The following EXT1 variants were observed in gnomAD, a reference collection of about 807,000 sequenced individuals.
The protein encoded by EXT1 is exostosin glycosyltransferase 1.
EXT1 carries 20 observed loss-of-function variants against 82.5 expected under a neutral mutation model. The observed-to-expected ratio is 0.24, with a 90% CI of 0.17 to 0.35. The LOEUF is 0.35. Among genes scored for constraint, EXT1 ranks in the 10% least tolerant of loss-of-function variants. EXT1 has a pLI of 1.00. For missense variants in EXT1, 757 were observed against 936.5 expected (o/e 0.81, Z 2.50); for synonymous variants, 348 against 350.8 (o/e 0.99, Z 0.09).
At chr8:118,074,528 A>G (rs1326679623) in intron 1 of EXT1, among the ~76,000 whole-genome samples, 2 of 151,774 alleles carry the variant, frequency 1.3e-5, no homozygotes, top group African/African-American at 2.4e-5. Flanking sequence ...CACCGCGGCC[A>G]CCACCTTAGT....
intron 1 of EXT1, among the ~76,000 whole-genome samples, chr8:117,902,067 C>T (rs1462721284): frequency 6.6e-6 from 1 of 150,412 alleles, no homozygotes; most frequent in Non-Finnish European, 1.5e-5. Flanking sequence ...AACACAAACA[C>T]ACACATTAGC....
At position 118,066,895 on chromosome 8, in the gene EXT1, AT is replaced by A. The variant is rs139474787; in HGVS notation, c.962+43189del. On this transcript the variant is annotated intron_variant, in intron 1 of 10. Coordinates refer to ENST00000378204, the MANE Select transcript of EXT1 (RefSeq NM_000127.3). The stretch of plus-strand genomic sequence containing the variant: ...GTAGATAAAGCTAAGCTTTCTGGAA[AT>A]AAAAGTTTTTTAAAAAATTAAAAGC... 8.9e-3 allele frequency among the ~76,000 whole-genome samples: 1,349 copies of A among 152,324 alleles called. 12 individuals are homozygous for A. The highest frequency in any genetic ancestry group is 0.013 in the Non-Finnish European group (917 of 68,030).
intron 1 of EXT1, among the ~76,000 whole-genome samples, chr8:118,042,625 T>G (rs948050887): frequency 6.6e-6 from 1 of 152,184 alleles, no homozygotes; most frequent in South Asian, 2.1e-4. Context: ...ATTCCAGTAC[T>G]CCTTTGCCCT....
intron 1 of EXT1, among the ~76,000 whole-genome samples, chr8:118,001,462 G>C (rs531580938): frequency 5.3e-5 from 8 of 151,996 alleles, no homozygotes; most frequent in Non-Finnish European, 8.8e-5. Context: ...TGGGATTACA[G>C]GCATGAGTCA....
chr8:117,981,747 A>C (rs974350463), intron 1 of EXT1, among the ~76,000 whole-genome samples: 1 of 151,888 alleles, frequency 6.6e-6, no homozygotes, highest in African/African-American at 2.4e-5. Context: ...GCAGGCAGGC[A>C]GGCACCTATA....
intron 1 of EXT1, among the ~76,000 whole-genome samples, chr8:117,971,966 C>T (rs955220271): frequency 6.6e-6 from 1 of 152,112 alleles, no homozygotes; most frequent in African/African-American, 2.4e-5. Flanking sequence ...GCCTGACCAA[C>T]ATGGAGAAAC....
chr8:118,051,430 C>T (rs1323610587), intron 1 of EXT1, among the ~76,000 whole-genome samples: 1 of 152,186 alleles, frequency 6.6e-6, no homozygotes, highest in African/African-American at 2.4e-5. Flanking sequence ...CGCTATAAAA[C>T]ATCCTATAAA....
At chr8:117,911,533 G>C (rs1813647517) in intron 1 of EXT1, among the ~76,000 whole-genome samples, 1 of 152,212 alleles carries the variant, frequency 6.6e-6, no homozygotes, top group South Asian at 2.1e-4. Context: ...TCAGAGAGCT[G>C]CCCTGCTCAC....
chr8:118,083,361 G>A (rs1353974506), intron 1 of EXT1, among the ~76,000 whole-genome samples: 1 of 152,152 alleles, frequency 6.6e-6, no homozygotes, highest in Non-Finnish European at 1.5e-5. Flanking sequence ...TCTCCATCGA[G>A]TCCCCATTGC....
chr8:117,886,029 G>A (rs994460873), intron 1 of EXT1, among the ~76,000 whole-genome samples: 3 of 152,142 alleles, frequency 2.0e-5, no homozygotes, highest in African/African-American at 7.2e-5. Context: ...CAAGCCAATT[G>A]TGTGACCTCT....
At chr8:117,827,433 T>C (rs1563572885) in intron 4 of EXT1, among the ~76,000 whole-genome samples, 1 of 152,152 alleles carries the variant, frequency 6.6e-6, no homozygotes, top group Non-Finnish European at 1.5e-5. Flanking sequence ...TCTGGATGTA[T>C]TAGAGGTAAA....
At chr8:117,863,911 T>C (rs1378393571) in intron 1 of EXT1, among the ~76,000 whole-genome samples, 2 of 152,194 alleles carry the variant, frequency 1.3e-5, no homozygotes, top group Non-Finnish European at 2.9e-5. Flanking sequence ...CAGCTTTTAC[T>C]ACCTGGACCC....
At chr8:117,890,068 A>G (rs1196972401) in intron 1 of EXT1, among the ~76,000 whole-genome samples, 4 of 152,244 alleles carry the variant, frequency 2.6e-5, no homozygotes, top group African/African-American at 9.6e-5. Context: ...TATCTTTTAC[A>G]TCAACATGCA....
At chr8:118,106,698 T>G (rs1361115442) in intron 1 of EXT1, among the ~76,000 whole-genome samples, 1 of 152,214 alleles carries the variant, frequency 6.6e-6, no homozygotes, top group Admixed American at 6.5e-5. Flanking sequence ...TAATGCCCTT[T>G]GTAGGGATGT....
intron 1 of EXT1, among the ~76,000 whole-genome samples, chr8:118,005,512 T>C (rs1815755348): frequency 6.6e-6 from 1 of 152,208 alleles, no homozygotes; most frequent in Admixed American, 6.5e-5. Context: ...TAGCTGACTT[T>C]CACAGCAACT....
At chr8:117,940,470 G>A (rs1051791956) in intron 1 of EXT1, among the ~76,000 whole-genome samples, 3 of 152,200 alleles carry the variant, frequency 2.0e-5, no homozygotes, top group African/African-American at 7.2e-5. Flanking sequence ...CATCAAGGAA[G>A]GATGTTACAG....
At chr8:117,887,322 A>G (rs1813163429) in intron 1 of EXT1, among the ~76,000 whole-genome samples, 1 of 152,220 alleles carries the variant, frequency 6.6e-6, no homozygotes, top group South Asian at 2.1e-4. Context: ...GTTTGCATCA[A>G]GCAAAACATG....
At chr8:117,872,024 TGGGAGGCTGA>T (rs1164576742) in intron 1 of EXT1, among the ~76,000 whole-genome samples, 2 of 151,826 alleles carry the variant, frequency 1.3e-5, no homozygotes, top group African/African-American at 4.8e-5. Flanking sequence ...CCCAGCTACT[TGGGAGGCTGA>T]GGTGGAAGGA....
At chr8:118,099,386 G>A (rs1333502585) in intron 1 of EXT1, among the ~76,000 whole-genome samples, 3 of 152,164 alleles carry the variant, frequency 2.0e-5, no homozygotes, top group Non-Finnish European at 4.4e-5. Context: ...TAAATGTACT[G>A]CTTCTAATCT....
Sources: gnomAD v4.1 joint callset for allele counts (sites outside exome capture counted in the v4.1 genomes callset) on GRCh38, gnomAD v4.1.1 for gene constraint, MANE v1.5 for transcripts, NCBI Gene and HGNC (gene_info 2026-07-23, HGNC 2026-07-21) for gene names.